COX7B2: variants seen among roughly 807,000 people sequenced by gnomAD.
COX7B2 encodes cytochrome c oxidase subunit 7B2, mitochondrial.
For missense variants in COX7B2, 109 were observed against 95.9 expected (o/e 1.14, Z -0.57); for synonymous variants, 37 against 32.1 (o/e 1.15, Z -0.51).
At chr4:46,854,658 A>G (rs957286664) in intron 1 of COX7B2, among the ~76,000 whole-genome samples, 5 of 152,222 alleles carry the variant, frequency 3.3e-5, no homozygotes, top group African/African-American at 9.7e-5. Flanking sequence ...AGTATCAGGA[A>G]CAAAATCTGG....
rs1717041649 is a variant in COX7B2, at chr4:46,774,339, T to G, written c.-49-39098A>C. On this transcript the variant is annotated intron_variant, in intron 2 of 2. Coordinates refer to ENST00000355591, the MANE Select transcript of COX7B2 (RefSeq NM_130902.3). ...CAATCATTGTGTTGAATTTAAAATTTACCTGACCTTGTCTTCAAGTTCAGA... is the reference window on the plus strand; with the variant it reads ...CAATCATTGTGTTGAATTTAAAATTGACCTGACCTTGTCTTCAAGTTCAGA... 2.0e-5 allele frequency among the ~76,000 whole-genome samples: 3 copies of G among 152,162 alleles called. No individual in the cohort carries two copies. In the South Asian group the frequency reaches 6.2e-4, roughly 31 times the overall value.
intron 2 of COX7B2, among the ~76,000 whole-genome samples, chr4:46,748,801 G>T (rs1049652980): frequency 6.6e-6 from 1 of 152,022 alleles, no homozygotes; most frequent in Non-Finnish European, 1.5e-5. Flanking sequence ...AGAAGTAGGA[G>T]TTCTTCAGGG....
intron 1 of COX7B2, among the ~76,000 whole-genome samples, chr4:46,872,881 G>A (rs1308940843): frequency 6.6e-6 from 1 of 151,928 alleles, no homozygotes; most frequent in Non-Finnish European, 1.5e-5. Flanking sequence ...ATGCAGTTTT[G>A]CTACATAGGT....
chr4:46,833,203 C>A (rs561462926), intron 2 of COX7B2, among the ~76,000 whole-genome samples: 17 of 152,316 alleles, frequency 1.1e-4, no homozygotes, highest in African/African-American at 3.6e-4. Flanking sequence ...CCGCGCCCCA[C>A]CAAGCCATTT....
At chr4:46,823,517 T>C (rs1430886702) in intron 2 of COX7B2, among the ~76,000 whole-genome samples, 1 of 151,186 alleles carries the variant, frequency 6.6e-6, no homozygotes, top group Non-Finnish European at 1.5e-5. Context: ...CTAAATAACT[T>C]ATCAATTGAA....
intron 2 of COX7B2, among the ~76,000 whole-genome samples, chr4:46,769,907 G>A (rs935970146): frequency 6.6e-6 from 1 of 152,150 alleles, no homozygotes. Context: ...ATGCAGTGAT[G>A]AGAAGCTGAA....
chr4:46,866,212 G>A (rs531607911), intron 1 of COX7B2, among the ~76,000 whole-genome samples: 9 of 152,276 alleles, frequency 5.9e-5, no homozygotes, highest in Middle Eastern at 3.4e-3. Context: ...TTAGGAAGAC[G>A]GAAGTATCCC....
intron 2 of COX7B2, among the ~76,000 whole-genome samples, chr4:46,765,889 C>G (rs1382092587): frequency 6.6e-6 from 1 of 152,180 alleles, no homozygotes; most frequent in Non-Finnish European, 1.5e-5. Context: ...CAGGCTGACT[C>G]TCACAGCCAT....
chr4:46,842,065 T>C (rs1393246039), intron 2 of COX7B2, among the ~76,000 whole-genome samples: 4 of 152,032 alleles, frequency 2.6e-5, no homozygotes, highest in Non-Finnish European at 5.9e-5. Context: ...CCCGATTTTA[T>C]ATTATTCATA....
chr4:46,831,371 G>T (rs531299158), intron 2 of COX7B2, among the ~76,000 whole-genome samples: 1 of 151,982 alleles, frequency 6.6e-6, no homozygotes, highest in Admixed American at 6.5e-5. Context: ...CCTCCTCAAC[G>T]AGTGCCACCC....
intron 2 of COX7B2, among the ~76,000 whole-genome samples, chr4:46,764,885 G>C (rs1342688158): frequency 6.6e-6 from 1 of 151,526 alleles, no homozygotes; most frequent in Admixed American, 6.6e-5. Context: ...CAGGAATATA[G>C]CAAGAGAGGA....
chr4:46,815,799 T>C (rs528522878), intron 2 of COX7B2, among the ~76,000 whole-genome samples: 2 of 152,344 alleles, frequency 1.3e-5, no homozygotes, highest in South Asian at 4.1e-4. Context: ...AATGTTGCAG[T>C]GTTCTGTGAA....
intron 1 of COX7B2, among the ~76,000 whole-genome samples, chr4:46,889,184 G>C (rs1029880828): frequency 3.9e-5 from 6 of 152,048 alleles, no homozygotes; most frequent in Non-Finnish European, 5.9e-5. Context: ...CCATTTGATA[G>C]AACTAGTTAA....
intron 2 of COX7B2, among the ~76,000 whole-genome samples, chr4:46,806,475 A>T (rs568296714): frequency 6.6e-6 from 1 of 152,228 alleles, no homozygotes; most frequent in South Asian, 2.1e-4. Context: ...GAGGCTAAAA[A>T]GGTTACTATA....
At chr4:46,785,123 G>C (rs1717678052) in intron 2 of COX7B2, among the ~76,000 whole-genome samples, 1 of 152,160 alleles carries the variant, frequency 6.6e-6, no homozygotes, top group Non-Finnish European at 1.5e-5. Context: ...AAAATTCTCA[G>C]ATAAGGCACA....
At chr4:46,859,174 T>C (rs1717194416) in intron 1 of COX7B2, among the ~76,000 whole-genome samples, 1 of 152,210 alleles carries the variant, frequency 6.6e-6, no homozygotes, top group Admixed American at 6.5e-5. Context: ...ACAAGGAATG[T>C]AGTGTCCTCC....
At chr4:46,830,324 C>CAAAAAAAAAA (rs201868075) in intron 2 of COX7B2, among the ~76,000 whole-genome samples, 16 of 82,056 alleles carry the variant, frequency 1.9e-4, no homozygotes, top group South Asian at 3.8e-4. Flanking sequence ...ACTCTGTCTC[C>CAAAAAAAAAA]AAAAAAAAAA....
intron 1 of COX7B2, among the ~76,000 whole-genome samples, chr4:46,873,588 CAT>C: frequency 6.6e-6 from 1 of 152,148 alleles, no homozygotes; most frequent in Non-Finnish European, 1.5e-5. Flanking sequence ...AGCATTTTTT[CAT>C]ATATCTGTTG....
intron 2 of COX7B2, among the ~76,000 whole-genome samples, chr4:46,834,513 A>C (rs1238492386): frequency 6.6e-6 from 1 of 152,130 alleles, no homozygotes; most frequent in Non-Finnish European, 1.5e-5. Flanking sequence ...ATTCACGTAA[A>C]AAAATGAATA....
Sources: allele counts gnomAD v4.1 joint callset (sites outside exome capture counted in the v4.1 genomes callset), GRCh38; gene constraint gnomAD v4.1.1; transcripts MANE v1.5; gene names NCBI Gene and HGNC (gene_info 2026-07-23, HGNC 2026-07-21).